The following IQSEC1 variants were observed in gnomAD, a reference collection of about 807,000 sequenced individuals.
IQSEC1 encodes IQ motif and Sec7 domain ArfGEF 1, also known as IQ motif and SEC7 domain-containing protein 1.
In IQSEC1, 31 loss-of-function variants were observed where a neutral mutation model predicts 91.0. The observed-to-expected ratio is 0.34, with a 90% CI of 0.26 to 0.46. The LOEUF is 0.46. Ranked by LOEUF, IQSEC1 falls within the 20% of genes least tolerant of loss-of-function variation. The pLI is 1.00. For missense variants in IQSEC1, 1,388 were observed against 1,575.6 expected, an observed-to-expected ratio of 0.88 and a Z score of 2.02; for synonymous variants, 699 against 662.6, an observed-to-expected ratio of 1.05 and a Z score of -0.84.
At chr3:12,942,321 G>C (rs1698825633) in intron 1 of IQSEC1, among the ~76,000 whole-genome samples, 1 of 152,166 alleles carries the variant, frequency 6.6e-6, no homozygotes, top group Non-Finnish European at 1.5e-5. Flanking sequence ...TTAAAAAAAA[G>C]GCCGGGCGCG....
intron 2 of IQSEC1, among the ~76,000 whole-genome samples, chr3:13,138,764 C>T (rs192626093): frequency 6.6e-6 from 1 of 152,124 alleles, no homozygotes; most frequent in East Asian, 1.9e-4. Flanking sequence ...CTTCCACTCC[C>T]TTTGCAGTCA....
At chr3:13,133,971 C>T (rs1706666038) in intron 2 of IQSEC1, among the ~76,000 whole-genome samples, 1 of 152,220 alleles carries the variant, frequency 6.6e-6, no homozygotes, top group South Asian at 2.1e-4. Flanking sequence ...TGATGACTCT[C>T]AATCTGAGGA....
intron 1 of IQSEC1, among the ~76,000 whole-genome samples, chr3:12,946,209 G>C (rs1016676303): frequency 6.6e-5 from 10 of 152,206 alleles, no homozygotes; most frequent in Admixed American, 6.5e-4. Flanking sequence ...CCGACCTCTT[G>C]AGCTCAGCTG....
At chr3:13,224,409 C>T (rs1694717093) in intron 1 of IQSEC1, among the ~76,000 whole-genome samples, 1 of 152,072 alleles carries the variant, frequency 6.6e-6, no homozygotes, top group South Asian at 2.1e-4. Context: ...TAGTTCTGGG[C>T]CCTGGGCCCA....
At chr3:13,230,271 C>A (rs1694820647) in intron 1 of IQSEC1, among the ~76,000 whole-genome samples, 1 of 150,174 alleles carries the variant, frequency 6.7e-6, no homozygotes, top group South Asian at 2.2e-4. Context: ...CAGAAGGAGC[C>A]AAATCAGGAC....
chr3:13,141,161 A>G (rs1706794179), intron 2 of IQSEC1, among the ~76,000 whole-genome samples: 1 of 152,260 alleles, frequency 6.6e-6, no homozygotes, highest in Non-Finnish European at 1.5e-5. Flanking sequence ...GGAGAACAAC[A>G]GATTGAAACT....
chr3:13,085,478 G>A (rs1048205142), intron 2 of IQSEC1, among the ~76,000 whole-genome samples: 3 of 152,162 alleles, frequency 2.0e-5, no homozygotes, highest in African/African-American at 7.2e-5. Context: ...GGATTCTGAC[G>A]TAAGAAGGAT....
rs1693988987 is a variant in IQSEC1 at position 12,899,397 on chromosome 3, C to T, written c.*1586G>A. 3 of 1,613,110 alleles carry T rather than the reference C, an allele frequency of 1.9e-6. No homozygotes were observed. The highest frequency in any genetic ancestry group is 1.3e-5 in the African/African-American group (1 of 75,062). On this transcript the variant is annotated 3_prime_UTR_variant, in exon 14 of 14. Coordinates refer to ENST00000613206, the MANE Select transcript of IQSEC1 (RefSeq NM_001134382.3). ...GTCCTCGGGTCCCATGGCTTAGGAG[C>T]ACAGCACTGACGGCTGCAGTGGCTC... is the stretch of plus-strand genomic sequence containing the variant.
At chr3:12,956,656 G>C (rs968024573) in intron 1 of IQSEC1, among the ~76,000 whole-genome samples, 2 of 152,198 alleles carry the variant, frequency 1.3e-5, no homozygotes, top group East Asian at 1.9e-4. Flanking sequence ...AATTCAAGCT[G>C]TTCCCACCCT....
chr3:13,143,868 C>T (rs1706841438), intron 2 of IQSEC1, among the ~76,000 whole-genome samples: 2 of 152,150 alleles, frequency 1.3e-5, no homozygotes, highest in African/African-American at 4.8e-5. Context: ...GCCAGCTGCC[C>T]TTAGATTTTT....
At chr3:12,938,236 C>A (rs61463921) in intron 2 of IQSEC1, among the ~76,000 whole-genome samples, 11,408 of 152,278 alleles carry the variant, frequency 0.075, 1,434 homozygotes, top group African/African-American at 0.26. Flanking sequence ...CACATCACAC[C>A]TGGAGGTGGA....
chr3:12,924,990 G>A lies in IQSEC1; in HGVS notation c.1569-248C>T, dbSNP rs1696984752. ...GCCCTGTCCCAAAACCCAAATATGG[G>A]GGACCTGGTACAAACACCTTCACCT... On this transcript the variant is annotated intron_variant, in intron 3 of 13. Transcript: ENST00000613206. The surrounding 1 kb of genome is among the most constrained non-coding windows in gnomAD (Gnocchi z 6.3). Among the ~76,000 whole-genome samples, 1 of 152,198 alleles carries A rather than the reference G, an allele frequency of 6.6e-6. No homozygotes were observed. Among genetic ancestry groups the A allele is most frequent in the Non-Finnish European group, 1.5e-5 (1 of 68,020 alleles).
intron 2 of IQSEC1, among the ~76,000 whole-genome samples, chr3:13,084,265 A>G (rs570458): frequency 0.3 from 45,692 of 151,954 alleles, 6,913 homozygotes; most frequent in Middle Eastern, 0.33. Flanking sequence ...ACCCAGCCCA[A>G]GGAACGGGCA....
intron 1 of IQSEC1, chr3:13,042,280 G>A (rs1026714877): frequency 1.3e-5 from 2 of 152,244 alleles, no homozygotes; most frequent in East Asian, 1.9e-4. Flanking sequence ...CCAGAGGGTC[G>A]ACTTACCTTT....
Position 12,939,798 on chromosome 3 carries a change from G to A in IQSEC1, c.318+1773C>T, listed in dbSNP as rs567098793. 5.6e-4 allele frequency among the ~76,000 whole-genome samples: 86 copies of A among 152,220 alleles called. No individual in the cohort carries two copies. The South Asian group carries it at 0.013, about 23-fold the overall frequency. On this transcript the variant is annotated intron_variant, in intron 2 of 13. Transcript: ENST00000613206. ...GCCTTACCCAATGCTATTGCCTCCC[G>A]TAGCTGCCCTATTTCTTTCCCCAAT...
intron 1 of IQSEC1, among the ~76,000 whole-genome samples, chr3:13,274,771 TG>T (rs1695648379): frequency 1.3e-5 from 2 of 152,220 alleles, no homozygotes; most frequent in South Asian, 4.1e-4. Context: ...CCAAGCACAC[TG>T]GCACCCACTG....
intron 2 of IQSEC1, among the ~76,000 whole-genome samples, chr3:13,119,065 C>G (rs976882810): frequency 1.3e-5 from 2 of 151,118 alleles, no homozygotes; most frequent in Non-Finnish European, 2.9e-5. Flanking sequence ...CAGAGCAAGA[C>G]TCTGTCTCAA....
intron 1 of IQSEC1, among the ~76,000 whole-genome samples, chr3:13,236,459 T>G (rs553748205): frequency 7.2e-4 from 110 of 152,362 alleles, no homozygotes; most frequent in Middle Eastern, 3.4e-3. Flanking sequence ...CTTTCGTTAG[T>G]GGGGACACGG....
intron 1 of IQSEC1, among the ~76,000 whole-genome samples, chr3:13,226,159 G>A (rs1436792797): frequency 1.3e-5 from 2 of 152,196 alleles, no homozygotes; most frequent in Non-Finnish European, 2.9e-5. Context: ...GATTACAGGC[G>A]TGAGCAACCG....
Sources: gnomAD v4.1 joint callset for allele counts (sites outside exome capture counted in the v4.1 genomes callset) on GRCh38, gnomAD v4.1.1 for gene constraint, Gnocchi (gnomAD v3.1) non-coding constraint, MANE v1.5 for transcripts, NCBI Gene and HGNC (gene_info 2026-07-23, HGNC 2026-07-21) for gene names.